The following MINAR1 variants were observed in gnomAD, a reference collection of about 807,000 sequenced individuals.
MINAR1 encodes membrane integral NOTCH2 associated receptor 1.
A neutral mutation model predicts 65.1 loss-of-function variants in MINAR1; 40 were observed. The observed-to-expected ratio is 0.61, with a 90% confidence interval of 0.48 to 0.80. The LOEUF (loss-of-function observed/expected upper bound fraction) is 0.80. Among genes scored for constraint, MINAR1 ranks in the 30% least tolerant of loss-of-function variants. The probability of loss-of-function intolerance (pLI) is 0.00; values close to 1 mark genes in which losing one functional copy is unlikely to be tolerated. For synonymous variants in MINAR1, 482 were observed against 449.1 expected, an observed-to-expected ratio of 1.07 and a Z score of -0.93; for missense variants, 1,128 against 1,148.0, an observed-to-expected ratio of 0.98 and a Z score of 0.25.
At chr15:79,418,546 A>G in the MINAR1 span, 1 of 152,230 alleles carries the variant, frequency 6.6e-6, no homozygotes, top group African/African-American at 2.4e-5. Context: ...TGAATCTGTG[A>G]TGGGTCCTTG....
Position 79,442,064 on chromosome 15 carries a change from TG to T in MINAR1, c.-51+9525del, listed in dbSNP as rs1049403942. Reference sequence around the variant, plus strand: ...AGGTTTTTTTACTTTTTTTTTTTACTGTTTTTTTTTTATGTTTACTGACATG... The same window carrying T: ...AGGTTTTTTTACTTTTTTTTTTTACTTTTTTTTTTTATGTTTACTGACATG... On this transcript the variant is annotated intron_variant, in intron 1 of 3. Coordinates refer to ENST00000305428, the MANE Select transcript of MINAR1 (RefSeq NM_015206.3). Among the ~76,000 whole-genome samples, 8 of 149,800 alleles carry T rather than the reference TG, an allele frequency of 5.3e-5. No individual in the cohort carries two copies. The East Asian group carries it at 5.9e-4, about 11-fold the overall frequency.
rs1895506698 is a variant in MINAR1, at chr15:79,458,145, A to G, written c.1998A>G (p.Ala666=). Residue 666 remains alanine, a synonymous_variant, in exon 2 of 4, where the codon GCA becomes GCG. Transcript: ENST00000305428. ...DDSASPRMFH[A]HSGSHGPKLE... ...GTGCCTCTCCCCGGATGTTCCACGC[A>G]CACAGTGGCTCCCACGGACCCAAAC... is the stretch of plus-strand genomic sequence containing the variant. 1.2e-6 allele frequency: 2 copies of G among 1,614,106 alleles called. No homozygotes were observed. Among genetic ancestry groups the G allele is most frequent in the Non-Finnish European group, 1.7e-6 (2 of 1,179,964 alleles).
intron 2 of MINAR1, among the ~76,000 whole-genome samples, chr15:79,459,929 G>A (rs1229856535): frequency 6.6e-6 from 1 of 152,190 alleles, no homozygotes; most frequent in Non-Finnish European, 1.5e-5. Flanking sequence ...GGTCTGGCCA[G>A]GTTTCTGGTG....
At chr15:79,437,787 TGGGGTGTGGGGTTGGC>T (rs1567049127) in intron 1 of MINAR1, among the ~76,000 whole-genome samples, 1 of 27,456 alleles carries the variant, frequency 3.6e-5, no homozygotes. Flanking sequence ...GGGTAGTGTG[TGGGGTGTGGGGTTGGC>T]AGTGAGTGTG....
intron 1 of MINAR1, among the ~76,000 whole-genome samples, chr15:79,448,979 T>A (rs941320913): frequency 1.3e-5 from 2 of 152,186 alleles, no homozygotes; most frequent in Non-Finnish European, 2.9e-5. Flanking sequence ...ATTTTAGCTC[T>A]GTAGACTGGA....
At chr15:79,452,745 G>T (rs941734748) in intron 1 of MINAR1, among the ~76,000 whole-genome samples, 3 of 133,850 alleles carry the variant, frequency 2.2e-5, no homozygotes, top group South Asian at 5.0e-4. Flanking sequence ...GGTGTGTGGG[G>T]GGGGTGTGTG....
In MINAR1 at chr15:79,458,347, C is replaced by T. The variant is rs144049809; in HGVS notation, c.2200C>T (p.Arg734Cys). ...ASISNSPRDW[R>C]TITYTNRVGL... ...CATCTCCAACTCGCCCAGAGACTGG[C>T]GCACCATCACTTATACCAACCGTGT... The change falls in exon 2 of 4, where the codon CGC becomes TGC. Residue 734 changes from arginine to cysteine, a missense_variant. Coordinates refer to ENST00000305428, the MANE Select transcript of MINAR1 (RefSeq NM_015206.3). 151 of 1,614,018 alleles carry T rather than the reference C, an allele frequency of 9.4e-5. No homozygotes were observed. The highest frequency in any genetic ancestry group is 1.3e-4 in the Admixed American group (8 of 59,996).
chr15:79,455,374 GTCT>G lies in MINAR1; in HGVS notation c.-50-721_-50-719del, dbSNP rs550068034. On this transcript the variant is annotated intron_variant, in intron 1 of 3. Coordinates refer to ENST00000305428, the MANE Select transcript of MINAR1 (RefSeq NM_015206.3). The stretch of plus-strand genomic sequence containing the variant: ...TTATATCATAGTTTTGTTATGAAAA[GTCT>G]TCATTATGTAATTTCTAAATTGAGG... Among the ~76,000 whole-genome samples, 450 of 152,082 alleles carry G rather than the reference GTCT, an allele frequency of 3.0e-3. 4 individuals are homozygous for G. The highest frequency in any genetic ancestry group is 0.01 in the African/African-American group (434 of 41,474).
upstream of MINAR1, among the ~76,000 whole-genome samples, chr15:79,428,265 C>CTTTCTTCTTTCCTTCG (rs1894359891): frequency 8.7e-6 from 1 of 115,364 alleles, no homozygotes; most frequent in African/African-American, 3.7e-5. Flanking sequence ...TCCCTCCTTC[C>CTTTCTTCTTTCCTTCG]TTTCTTCTCC....
the MINAR1 span, chr15:79,419,649 A>G: frequency 6.6e-6 from 1 of 152,260 alleles, no homozygotes; most frequent in Non-Finnish European, 1.5e-5. Context: ...ATATTTTATA[A>G]CTAAGAAGAT....
At chr15:79,431,356 G>A (rs1302119385), upstream of MINAR1, among the ~76,000 whole-genome samples, 1 of 152,190 alleles carries the variant, frequency 6.6e-6, no homozygotes, top group East Asian at 1.9e-4. Flanking sequence ...TCTAGATGGG[G>A]CCACCAGAGG....
At chr15:79,429,142 T>C (rs1350217823), upstream of MINAR1, among the ~76,000 whole-genome samples, 1 of 152,188 alleles carries the variant, frequency 6.6e-6, no homozygotes, top group Non-Finnish European at 1.5e-5. Flanking sequence ...AATGAAGGAT[T>C]TGATTAATGA....
rs191594118 is a variant in MINAR1 at position 79,466,559 on chromosome 15, T to C, written c.2554-1628T>C. On this transcript the variant is annotated intron_variant, in intron 3 of 3. Coordinates refer to ENST00000305428, the MANE Select transcript of MINAR1 (RefSeq NM_015206.3). ...TCAACCATTTAAAAATGGAAAAAAA[T>C]CACTAAAAATCACTCGTAGTTCAAG... 3.6e-3 allele frequency among the ~76,000 whole-genome samples: 543 copies of C among 151,900 alleles called. 2 individuals are homozygous for C. The highest frequency in any genetic ancestry group is 4.4e-3 in the Non-Finnish European group (297 of 67,978).
the MINAR1 span, chr15:79,411,641 G>C: frequency 1.6e-5 from 10 of 615,808 alleles, no homozygotes; most frequent in African/African-American, 1.8e-4. Flanking sequence ...AGGGGAACAG[G>C]TGAGTTAAAC....
Position 79,435,296 on chromosome 15 carries a change from G to A in MINAR1, c.-51+2756G>A, listed in dbSNP as rs569507465. 1.2e-3 allele frequency among the ~76,000 whole-genome samples: 184 copies of A among 150,800 alleles called. 1 individual carries two copies. Among genetic ancestry groups the A allele is most frequent in the Non-Finnish European group, 2.0e-3 (138 of 67,676 alleles). The stretch of plus-strand genomic sequence containing the variant: ...CGTCTCAAAAAAAAAAAAAAAATAC[G>A]CAAAACAGATTAAGAGCAAGGGAGG... On this transcript the variant is annotated intron_variant, in intron 1 of 3. Transcript: ENST00000305428.
chr15:79,446,116 G>A (rs930328926), intron 1 of MINAR1, among the ~76,000 whole-genome samples: 1 of 152,092 alleles, frequency 6.6e-6, no homozygotes, highest in African/African-American at 2.4e-5. Context: ...TGGTTTAGAA[G>A]TCCTGCATTA....
rs772502267 is a variant in MINAR1, at chr15:79,463,278, G to C, written c.2510G>C (p.Arg837Pro). 9 of 1,614,164 alleles carry C rather than the reference G, an allele frequency of 5.6e-6. No individual in the cohort carries two copies. The highest frequency in any genetic ancestry group is 7.6e-6 in the Non-Finnish European group (9 of 1,179,992). The part of the protein sequence containing the change: ...QPSWTIEEYA[R>P]NAGDKGKLTA... The stretch of plus-strand genomic sequence containing the variant: ...TCTTGGACCATTGAGGAGTATGCAC[G>C]GAATGCGGGCGACAAGGGCAAGCTG... The change falls in exon 3 of 4, where the codon CGG becomes CCG. Residue 837 changes from arginine (R) to proline (P), a missense_variant. Physicochemically the swap from Arg to Pro is moderately radical, Grantham distance 103 (BLOSUM62 -2). Transcript: ENST00000305428.
chr15:79,463,139 C>G lies in MINAR1; in HGVS notation c.2371C>G (p.Gln791Glu), dbSNP rs1895708005. Residue 791 changes from glutamine to glutamate, a missense_variant, in exon 3 of 4, where the codon CAG (glutamine) becomes GAG (glutamate). Transcript: ENST00000305428. Reference sequence around the variant, plus strand: ...GCCCAAAGATGGCTTCCTGGTGGAGCAGGTGTTCAGCCCTCACCCCTACCC... The same window carrying G: ...GCCCAAAGATGGCTTCCTGGTGGAGGAGGTGTTCAGCCCTCACCCCTACCC... Reference protein sequence around the residue: ...KQPKDGFLVEQVFSPHPYPAS... With the variant: ...KQPKDGFLVEEVFSPHPYPAS... 6.2e-7 allele frequency: 1 copy of G among 1,614,098 alleles called. No individual in the cohort carries two copies.
chr15:79,431,562 A>C (rs143835634), upstream of MINAR1, among the ~76,000 whole-genome samples: 12 of 152,044 alleles, frequency 7.9e-5, no homozygotes, highest in Non-Finnish European at 1.5e-4. Flanking sequence ...AGTCTTTCCA[A>C]TCTGGATCCC....
Sources: allele counts gnomAD v4.1 joint callset (sites outside exome capture counted in the v4.1 genomes callset), GRCh38; gene constraint gnomAD v4.1.1; transcripts MANE v1.5; gene names NCBI Gene and HGNC (gene_info 2026-07-23, HGNC 2026-07-21).